Variants in NRXN3 observed in about 807,000 individuals in gnomAD.
NRXN3 encodes the protein neurexin III.
NRXN3 carries 32 observed loss-of-function variants against 137.6 expected under a neutral mutation model. The observed-to-expected ratio is 0.23, with a 90% CI of 0.18 to 0.31. The LOEUF (loss-of-function observed/expected upper bound fraction) is 0.31. Ranked by LOEUF, NRXN3 falls within the 10% of genes least tolerant of loss-of-function variation. The probability of loss-of-function intolerance (pLI) is 1.00; values close to 1 mark genes in which losing one functional copy is unlikely to be tolerated. For synonymous variants in NRXN3, 798 were observed against 784.5 expected, an observed-to-expected ratio of 1.02 and a Z score of -0.29; for missense variants, 1,574 against 2,062.5, an observed-to-expected ratio of 0.76 and a Z score of 4.59.
At chr14:79,768,391 G>C (rs1217232346) in intron 19 of NRXN3, among the ~76,000 whole-genome samples, 3 of 152,222 alleles carry the variant, frequency 2.0e-5, no homozygotes, top group African/African-American at 4.8e-5. Context: ...GCTTTGAAGA[G>C]AGCAGTGGTT....
rs957524511 is a variant in NRXN3, at chr14:78,959,366, C to T, written c.2395+2005C>T. On this transcript the variant is annotated intron_variant, in intron 11 of 20. Transcript: ENST00000335750. ...GCGTTGTATAATTAAGCTCCAAATC[C>T]ATGTCAGTGTGATTCCACAAAATCA... Among the ~76,000 whole-genome samples the T allele has an allele frequency of 3.3e-5, 5 of 152,292 alleles. No homozygotes were observed. In the South Asian group the frequency reaches 6.2e-4, roughly 19 times the overall value.
At chr14:79,079,564 A>AT (rs1007309692) in intron 15 of NRXN3, among the ~76,000 whole-genome samples, 27 of 151,920 alleles carry the variant, frequency 1.8e-4, no homozygotes, top group Non-Finnish European at 2.5e-4. Context: ...CATTATAGCT[A>AT]TTTTTTTTCA....
chr14:79,314,921 C>CCAT (rs2153233161), intron 15 of NRXN3, among the ~76,000 whole-genome samples: 1 of 152,204 alleles, frequency 6.6e-6, no homozygotes, highest in South Asian at 2.1e-4. Flanking sequence ...CTGTACATCA[C>CCAT]CATCATCAAA....
chr14:79,486,020 G>T (rs1555478549), intron 16 of NRXN3, among the ~76,000 whole-genome samples: 1 of 151,630 alleles, frequency 6.6e-6, no homozygotes, highest in Non-Finnish European at 1.5e-5. Context: ...CTGTATTATT[G>T]TTATTATTAT....
chr14:79,280,670 TC>T, intron 15 of NRXN3: 1 of 952,408 alleles, frequency 1.0e-6, no homozygotes, highest in Non-Finnish European at 1.6e-6. Context: ...GCATCGTATG[TC>T]CATGAGGGAA....
chr14:79,488,188 C>T (rs955718030), intron 16 of NRXN3, among the ~76,000 whole-genome samples: 1 of 152,170 alleles, frequency 6.6e-6, no homozygotes, highest in Non-Finnish European at 1.5e-5. Context: ...CACCCATGGA[C>T]ATTGATTGGC....
At chr14:78,565,632 T>G (rs1170513383) in intron 4 of NRXN3, among the ~76,000 whole-genome samples, 3 of 152,234 alleles carry the variant, frequency 2.0e-5, no homozygotes, top group Non-Finnish European at 4.4e-5. Context: ...ATAAGGTTGC[T>G]ATGAGGTGCC....
At chr14:79,490,728 A>G (rs1181785056) in intron 16 of NRXN3, among the ~76,000 whole-genome samples, 2 of 152,062 alleles carry the variant, frequency 1.3e-5, no homozygotes, top group African/African-American at 2.4e-5. Context: ...AAAAAAATAG[A>G]AGGAATGAAT....
At chr14:79,250,421 G>A (rs551155282) in intron 15 of NRXN3, among the ~76,000 whole-genome samples, 28 of 152,294 alleles carry the variant, frequency 1.8e-4, no homozygotes, top group African/African-American at 6.7e-4. Flanking sequence ...CTCAGAGAAG[G>A]AAAGAGGGAG....
intron 15 of NRXN3, among the ~76,000 whole-genome samples, chr14:79,012,917 C>A (rs2099573485): frequency 6.6e-6 from 1 of 152,128 alleles, no homozygotes; most frequent in African/African-American, 2.4e-5. Context: ...ACTCATTTAA[C>A]CCTGCTAAGC....
At position 78,709,641 on chromosome 14, in the gene NRXN3, G is replaced by A. The variant is rs2098388194; in HGVS notation, c.1646G>A (p.Arg549Gln). The change falls in exon 7 of 21, where the codon CGA (arginine) becomes CAA (glutamine). Residue 549 changes from arginine (R) to glutamine (Q), a missense_variant. By Grantham distance (43) the Arg-to-Gln change is conservative (BLOSUM62 1). This residue lies in a region of NRXN3 where 718 missense variants were observed against 887.6 expected (regional missense o/e 0.81). Transcript: ENST00000335750. Reference sequence around the variant, plus strand: ...GAATGGTACCATGTGGACATTCAGCGAGATGGCAGATCAGGTAGGAAGAGG... The same window carrying A: ...GAATGGTACCATGTGGACATTCAGCAAGATGGCAGATCAGGTAGGAAGAGG... ...DGEWYHVDIQRDGRSGTISVN... is the reference protein window; with the variant it reads ...DGEWYHVDIQQDGRSGTISVN... 5 of 1,610,978 alleles carry A rather than the reference G, an allele frequency of 3.1e-6. No homozygotes were observed. Among genetic ancestry groups the A allele is most frequent in the Middle Eastern group, 1.7e-4 (1 of 6,054 alleles).
At chr14:79,675,690 T>C (rs577780345) in intron 17 of NRXN3, among the ~76,000 whole-genome samples, 1 of 152,132 alleles carries the variant, frequency 6.6e-6, no homozygotes, top group East Asian at 1.9e-4. Flanking sequence ...AGAGATACAA[T>C]ATGTAAGAAG....
chr14:79,343,725 G>A (rs542894672), intron 15 of NRXN3, among the ~76,000 whole-genome samples: 13 of 152,236 alleles, frequency 8.5e-5, no homozygotes, highest in African/African-American at 3.1e-4. Context: ...TCAATCTCAG[G>A]AAAATATTTC....
chr14:78,309,555 C>A (rs1489486566), intron 4 of NRXN3, among the ~76,000 whole-genome samples: 1 of 151,928 alleles, frequency 6.6e-6, no homozygotes. Context: ...GAAAAAAAAA[C>A]TACTGGGAAA....
intron 4 of NRXN3, among the ~76,000 whole-genome samples, chr14:78,497,555 A>G (rs1456783101): frequency 6.6e-6 from 1 of 152,032 alleles, no homozygotes; most frequent in Non-Finnish European, 1.5e-5. Flanking sequence ...AGATCTGTGT[A>G]GTAAATCCAT....
At chr14:79,787,523 T>C (rs969334834) in intron 19 of NRXN3, among the ~76,000 whole-genome samples, 5 of 152,212 alleles carry the variant, frequency 3.3e-5, no homozygotes, top group African/African-American at 7.2e-5. Context: ...CTTTGTAGTC[T>C]TCAACCAACA....
At chr14:79,362,418 C>G (rs191656571) in intron 15 of NRXN3, among the ~76,000 whole-genome samples, 1 of 151,350 alleles carries the variant, frequency 6.6e-6, no homozygotes, top group African/African-American at 2.4e-5. Flanking sequence ...CTATTTGGAA[C>G]GGTACTGGTT....
At chr14:78,816,218 A>T (rs112728737) in intron 10 of NRXN3, among the ~76,000 whole-genome samples, 31 of 152,290 alleles carry the variant, frequency 2.0e-4, no homozygotes, top group African/African-American at 7.2e-4. Context: ...TAATAAGATT[A>T]TACATGGAAC....
chr14:79,231,742 G>A (rs2072242357), intron 15 of NRXN3, among the ~76,000 whole-genome samples: 2 of 152,150 alleles, frequency 1.3e-5, no homozygotes, highest in African/African-American at 4.8e-5. Flanking sequence ...TGTTTAGCTT[G>A]TCTTAGAAAC....
Sources: allele counts gnomAD v4.1 joint callset (sites outside exome capture counted in the v4.1 genomes callset), GRCh38; gene constraint gnomAD v4.1.1; regional missense constraint gnomAD v4.1.1; transcripts MANE v1.5; gene names NCBI Gene and HGNC (gene_info 2026-07-23, HGNC 2026-07-21).